Variants in GNA12 observed in about 807,000 individuals in gnomAD.
GNA12 encodes the protein guanine nucleotide-binding protein subunit alpha-12.
Under a neutral mutation model 26.0 loss-of-function variants are expected in GNA12, and 9 were observed. The ratio of observed to expected loss-of-function variants is 0.35; its 90% CI spans 0.21 to 0.60. The LOEUF is 0.60. Ranked by LOEUF, GNA12 falls within the 20% of genes least tolerant of loss-of-function variation. The pLI is 0.78. For synonymous variants in GNA12, 264 were observed against 219.6 expected, an observed-to-expected ratio of 1.20 and a Z score of -1.79; for missense variants, 405 against 525.8, an observed-to-expected ratio of 0.77 and a Z score of 2.25.
At chr7:2,739,394 T>C (rs1790382826) in intron 2 of GNA12, among the ~76,000 whole-genome samples, 2 of 152,202 alleles carry the variant, frequency 1.3e-5, no homozygotes, top group South Asian at 4.1e-4. Flanking sequence ...CAGCCCTTTG[T>C]GTCTGGTTCT....
chr7:2,840,943 C>T (rs765346751), intron 1 of GNA12, among the ~76,000 whole-genome samples: 33 of 152,164 alleles, frequency 2.2e-4, no homozygotes, highest in Middle Eastern at 3.4e-3. Context: ...GAGGAGGAAA[C>T]GATTTTTGGT....
intron 2 of GNA12, among the ~76,000 whole-genome samples, chr7:2,774,771 A>G (rs7790221): frequency 9.2e-5 from 14 of 152,326 alleles, no homozygotes; most frequent in African/African-American, 2.9e-4. Context: ...AAGAATAAAC[A>G]TAAGTACAAA....
intron 1 of GNA12, among the ~76,000 whole-genome samples, chr7:2,824,843 G>C (rs1793448174): frequency 6.6e-6 from 1 of 152,180 alleles, no homozygotes; most frequent in African/African-American, 2.4e-5. Flanking sequence ...CCATCACCTA[G>C]GAGCTCACAG....
At chr7:2,838,648 T>C (rs892216874) in intron 1 of GNA12, among the ~76,000 whole-genome samples, 14 of 152,096 alleles carry the variant, frequency 9.2e-5, no homozygotes, top group Non-Finnish European at 2.1e-4. Flanking sequence ...AAAAATATGA[T>C]GCAACAATAT....
intron 1 of GNA12, among the ~76,000 whole-genome samples, chr7:2,825,711 C>T (rs558375083): frequency 3.9e-5 from 6 of 152,222 alleles, no homozygotes; most frequent in East Asian, 3.9e-4. Flanking sequence ...CGTGTGCTGG[C>T]GTTTGCGTCC....
At chr7:2,829,119 G>A (rs1793546597) in intron 1 of GNA12, among the ~76,000 whole-genome samples, 1 of 151,936 alleles carries the variant, frequency 6.6e-6, no homozygotes, top group Non-Finnish European at 1.5e-5. Flanking sequence ...TCTGCTCATT[G>A]TATGAAGTAC....
chr7:2,743,478 G>C (rs557488649), intron 2 of GNA12, among the ~76,000 whole-genome samples: 1 of 152,290 alleles, frequency 6.6e-6, no homozygotes, highest in Non-Finnish European at 1.5e-5. Flanking sequence ...CTTTAAAGCA[G>C]CTATTATAAT....
Position 2,730,615 on chromosome 7 carries a change from T to G in GNA12, c.*566A>C, listed in dbSNP as rs991586893. The G allele has an allele frequency of 6.6e-6, 1 of 152,614 alleles. No individual in the cohort carries two copies. Among genetic ancestry groups the G allele is most frequent in the Non-Finnish European group, 1.5e-5 (1 of 68,240 alleles). 9.5% of individuals were successfully genotyped at this position (152,614 alleles called of 1,614,324 possible). A position where few individuals can be genotyped will look rare whatever the true frequency, so the allele number is the denominator to read the frequency against. On this transcript the variant is annotated 3_prime_UTR_variant, in exon 4 of 4. Coordinates refer to ENST00000275364, the MANE Select transcript of GNA12 (RefSeq NM_007353.3). ...ACGGGAGTTTGAAAAGGCAACGTGCTCCCTTTGGGAGGTGGCCTTCAGACA... is the reference window on the plus strand; with the variant it reads ...ACGGGAGTTTGAAAAGGCAACGTGCGCCCTTTGGGAGGTGGCCTTCAGACA...
intron 2 of GNA12, among the ~76,000 whole-genome samples, chr7:2,765,663 C>T (rs886068513): frequency 2.0e-5 from 3 of 151,740 alleles, no homozygotes; most frequent in Non-Finnish European, 4.4e-5. Context: ...CAGAGTCTCA[C>T]TCTGTCACCC....
At chr7:2,750,838 G>C (rs528256832) in intron 2 of GNA12, among the ~76,000 whole-genome samples, 1 of 152,194 alleles carries the variant, frequency 6.6e-6, no homozygotes, top group African/African-American at 2.4e-5. Flanking sequence ...CGGATATGGC[G>C]AAAGTTTTAG....
chr7:2,737,289 G>GTTTTTTT (rs11389467), intron 2 of GNA12, among the ~76,000 whole-genome samples: 196 of 62,276 alleles, frequency 3.1e-3, no homozygotes, highest in Non-Finnish European at 4.6e-3. Context: ...TTTTTTTTTT[G>GTTTTTTT]TTTTTTTTTT....
At chr7:2,738,342 A>G (rs907851637) in intron 2 of GNA12, among the ~76,000 whole-genome samples, 1 of 152,174 alleles carries the variant, frequency 6.6e-6, no homozygotes, top group African/African-American at 2.4e-5. Flanking sequence ...TGACGCAGGC[A>G]CAAGCTGTCA....
chr7:2,809,620 C>A (rs2115479378), intron 1 of GNA12, among the ~76,000 whole-genome samples: 1 of 152,222 alleles, frequency 6.6e-6, no homozygotes, highest in East Asian at 1.9e-4. Context: ...GGGTACACCG[C>A]CTTTGGGGTA....
At chr7:2,763,233 G>T in intron 2 of GNA12, 1 of 267,232 alleles carries the variant, frequency 3.7e-6, no homozygotes, top group South Asian at 1.9e-4. Flanking sequence ...CACACACACG[G>T]TCTCAACACA....
chr7:2,788,433 C>T (rs903883566), intron 2 of GNA12, among the ~76,000 whole-genome samples: 17 of 152,212 alleles, frequency 1.1e-4, no homozygotes, highest in Admixed American at 6.5e-5. Context: ...TCCTCTGGCT[C>T]ATATGCAGCT....
chr7:2,802,408 T>G (rs1268894048), intron 1 of GNA12, among the ~76,000 whole-genome samples: 27 of 72,432 alleles, frequency 3.7e-4, no homozygotes, highest in Admixed American at 1.5e-3. Context: ...GGGTGGGGGG[T>G]GGGGTTCAAT....
Position 2,804,483 on chromosome 7 carries a change from A to G in GNA12, c.310-9340T>C, listed in dbSNP as rs535736190. Among the ~76,000 whole-genome samples, 148 of 152,324 alleles carry G rather than the reference A, an allele frequency of 9.7e-4. 1 individual carries two copies. Among genetic ancestry groups the G allele is most frequent in the African/African-American group, 3.5e-3 (147 of 41,564 alleles). On this transcript the variant is annotated intron_variant, in intron 1 of 3. Transcript: ENST00000275364. ...GACTCTTGTAGATGAGCCTGCTACA[A>G]GGCTGGCTTTCCTTGGTCCCACCAC...
intron 2 of GNA12, among the ~76,000 whole-genome samples, chr7:2,739,149 G>A (rs1319769137): frequency 1.3e-5 from 2 of 152,204 alleles, no homozygotes; most frequent in African/African-American, 4.8e-5. Context: ...CCTTGCCTGG[G>A]TTCTTCCTTT....
At chr7:2,782,184 A>G (rs1792246232) in intron 2 of GNA12, among the ~76,000 whole-genome samples, 1 of 152,274 alleles carries the variant, frequency 6.6e-6, no homozygotes, top group South Asian at 2.1e-4. Context: ...AATAGAAAAT[A>G]ACTTAAACAT....
Sources: gnomAD v4.1 joint callset for allele counts (sites outside exome capture counted in the v4.1 genomes callset) on GRCh38, gnomAD v4.1.1 for gene constraint, MANE v1.5 for transcripts, NCBI Gene and HGNC (gene_info 2026-07-23, HGNC 2026-07-21) for gene names.